PTPRD: variants seen among roughly 807,000 people sequenced by gnomAD.
PTPRD encodes receptor-type tyrosine-protein phosphatase delta.
Under a neutral mutation model 214.5 loss-of-function variants are expected in PTPRD, and 34 were observed. The observed-to-expected ratio is 0.16, with a 90% CI of 0.12 to 0.21. The LOEUF (loss-of-function observed/expected upper bound fraction) is 0.21. PTPRD is among the 10% of genes least tolerant of loss of function. The pLI, the probability that PTPRD is intolerant of heterozygous loss-of-function variation, is 1.00. For missense variants in PTPRD, 2,545 were observed against 2,398.7 expected (o/e 1.06, Z -1.27); for synonymous variants, 1,128 against 845.7 (o/e 1.33, Z -5.79).
intron 7 of PTPRD, among the ~76,000 whole-genome samples, chr9:9,612,039 T>C (rs2094540730): frequency 6.6e-6 from 1 of 152,114 alleles, no homozygotes; most frequent in Admixed American, 6.5e-5. Context: ...TTTTAAATTT[T>C]CAGCTTTGAG....
chr9:8,789,544 G>T (rs182208438), intron 11 of PTPRD, among the ~76,000 whole-genome samples: 11 of 152,186 alleles, frequency 7.2e-5, no homozygotes, highest in Admixed American at 1.3e-4. Context: ...TGTCTTCTTT[G>T]GTGTTTGTTT....
Position 10,069,977 on chromosome 9 carries a change from C to A in PTPRD, c.-544-36187G>T, listed in dbSNP as rs116477162. Among the ~76,000 whole-genome samples, 1,467 of 152,052 alleles carry A rather than the reference C, an allele frequency of 9.6e-3. 18 individuals are homozygous for A. Among genetic ancestry groups the A allele is most frequent in the African/African-American group, 0.031 (1,291 of 41,518 alleles). ...TATTTCAAAATATGTGCCATGAACACACTGATTATTGTTAAAACACATATT... is the reference window on the plus strand; with the variant it reads ...TATTTCAAAATATGTGCCATGAACAAACTGATTATTGTTAAAACACATATT... On this transcript the variant is annotated intron_variant, in intron 3 of 45. Coordinates refer to ENST00000381196, the MANE Select transcript of PTPRD (RefSeq NM_002839.4).
chr9:9,444,020 A>G (rs1412082200), intron 8 of PTPRD, among the ~76,000 whole-genome samples: 5 of 152,204 alleles, frequency 3.3e-5, no homozygotes, highest in Non-Finnish European at 5.9e-5. Context: ...CTTTATCTTC[A>G]TTACAGCTCA....
At chr9:9,619,129 A>G (rs2095079848) in intron 7 of PTPRD, among the ~76,000 whole-genome samples, 1 of 152,182 alleles carries the variant, frequency 6.6e-6, no homozygotes, top group African/African-American at 2.4e-5. Flanking sequence ...ATACTAAGGC[A>G]AACGCATGAG....
chr9:9,888,960 G>C (rs76648509), intron 5 of PTPRD, among the ~76,000 whole-genome samples: 1 of 152,094 alleles, frequency 6.6e-6, no homozygotes, highest in African/African-American at 2.4e-5. Context: ...GCACCCAAAA[G>C]TATGCTGAAA....
chr9:9,668,983 G>C (rs866514027), intron 7 of PTPRD, among the ~76,000 whole-genome samples: 16 of 152,104 alleles, frequency 1.1e-4, no homozygotes, highest in Admixed American at 2.0e-4. Flanking sequence ...GGAAAAAAAA[G>C]TGAAACAGTA....
intron 2 of PTPRD, among the ~76,000 whole-genome samples, chr9:10,361,240 C>T (rs986539158): frequency 6.6e-5 from 10 of 152,148 alleles, no homozygotes; most frequent in Non-Finnish European, 8.8e-5. Flanking sequence ...TAGATTCTTC[C>T]ATCTGCTTTC....
intron 2 of PTPRD, among the ~76,000 whole-genome samples, chr9:10,377,933 G>T (rs1198850088): frequency 6.6e-6 from 1 of 152,012 alleles, no homozygotes; most frequent in Non-Finnish European, 1.5e-5. Flanking sequence ...GTGGGAGTAG[G>T]ATTGTTGGAT....
intron 9 of PTPRD, among the ~76,000 whole-genome samples, chr9:9,185,813 G>T (rs769779795): frequency 2.0e-5 from 3 of 151,502 alleles, no homozygotes; most frequent in Non-Finnish European, 4.4e-5. Context: ...ACATGCGTTG[G>T]ATTTACTAGT....
chr9:9,800,488 C>A (rs1025942751), intron 5 of PTPRD: 4 of 152,006 alleles, frequency 2.6e-5, no homozygotes, highest in Non-Finnish European at 5.9e-5. Context: ...AAGCAAACGG[C>A]CAATTGATTA....
At position 8,929,765 on chromosome 9, in the gene PTPRD, A is replaced by ATGTGTGTATATATATG. The variant is rs1301850611; in HGVS notation, c.-104+88931_-104+88932insCATATATATACACACA. ...TATGTGTATATATATATGTATATAT[A>ATGTGTGTATATATATG]TGTGTATATATATGGGTGTGTATAT... On this transcript the variant is annotated intron_variant, in intron 11 of 45. Transcript: ENST00000381196. Among the ~76,000 whole-genome samples the ATGTGTGTATATATATG allele has an allele frequency of 6.2e-4, 30 of 48,158 alleles. 1 individual carries two copies. In the East Asian group the frequency reaches 0.015, roughly 24 times the overall value. 31.6% of individuals were successfully genotyped at this position (48,158 alleles called of 152,430 possible). A position where few individuals can be genotyped will look rare whatever the true frequency, so the allele number is the denominator to read the frequency against.
chr9:9,657,576 T>C (rs2096544098), intron 7 of PTPRD, among the ~76,000 whole-genome samples: 2 of 152,180 alleles, frequency 1.3e-5, no homozygotes, highest in African/African-American at 4.8e-5. Context: ...GTTGTGCATA[T>C]GTACCCCAGA....
intron 5 of PTPRD, among the ~76,000 whole-genome samples, chr9:9,813,873 A>G (rs1243620245): frequency 1.5e-5 from 2 of 136,056 alleles, no homozygotes; most frequent in Non-Finnish European, 3.1e-5. Context: ...AATATTAGCA[A>G]ATTTAATTCA....
chr9:10,386,967 T>C lies in PTPRD; in HGVS notation c.-599-45950A>G, dbSNP rs529723471. The stretch of plus-strand genomic sequence containing the variant: ...GGCAGGAGAGTCAGTGTCAGAGTAA[T>C]ACAATATGGCAAACACTCCATCAGT... On this transcript the variant is annotated intron_variant, in intron 2 of 45. Transcript: ENST00000381196. Among the ~76,000 whole-genome samples, 11 of 151,830 alleles carry C rather than the reference T, an allele frequency of 7.2e-5. No homozygotes were observed. In the South Asian group the frequency reaches 1.5e-3, roughly 20 times the overall value.
intron 12 of PTPRD, among the ~76,000 whole-genome samples, chr9:8,645,243 T>C (rs943647945): frequency 3.9e-5 from 6 of 152,178 alleles, no homozygotes; most frequent in Non-Finnish European, 7.4e-5. Flanking sequence ...TGTAACATCA[T>C]CCCAGGATCC....
intron 7 of PTPRD, among the ~76,000 whole-genome samples, chr9:9,676,946 A>G (rs1371576674): frequency 6.6e-6 from 1 of 152,068 alleles, no homozygotes; most frequent in South Asian, 2.1e-4. Context: ...GTCTGTTCAT[A>G]TCCTTCGCCC....
intron 12 of PTPRD, among the ~76,000 whole-genome samples, chr9:8,675,570 G>A (rs977287847): frequency 7.3e-4 from 72 of 98,948 alleles, no homozygotes; most frequent in African/African-American, 2.8e-3. Flanking sequence ...AAAACCTCAC[G>A]CCTGGCAATC....
intron 8 of PTPRD, among the ~76,000 whole-genome samples, chr9:9,517,295 T>C (rs2096861720): frequency 6.6e-6 from 1 of 152,080 alleles, no homozygotes; most frequent in African/African-American, 2.4e-5. Context: ...ATTCAGTTTG[T>C]ATGGGGTAGG....
chr9:9,455,348 A>C (rs1201742927), intron 8 of PTPRD, among the ~76,000 whole-genome samples: 2 of 151,566 alleles, frequency 1.3e-5, no homozygotes, highest in African/African-American at 4.8e-5. Context: ...AAAATTATGC[A>C]CACATACAGT....
Sources: gnomAD v4.1 joint callset for allele counts (sites outside exome capture counted in the v4.1 genomes callset) on GRCh38, gnomAD v4.1.1 for gene constraint, MANE v1.5 for transcripts, NCBI Gene and HGNC (gene_info 2026-07-23, HGNC 2026-07-21) for gene names.